The following IL4I1 variants were observed in gnomAD, a reference collection of about 807,000 sequenced individuals.
IL4I1 encodes the protein interleukin 4 induced 1.
Under a neutral mutation model 29.7 loss-of-function variants are expected in IL4I1, and 24 were observed. The observed-to-expected ratio is 0.81, with a 90% confidence interval of 0.59 to 1.14. The LOEUF is 1.14. Among genes scored for constraint, IL4I1 ranks in the 50% most tolerant of loss-of-function variants. The pLI is 0.00. For synonymous variants in IL4I1, 371 were observed against 352.5 expected (o/e 1.05, Z -0.59); for missense variants, 686 against 785.6 (o/e 0.87, Z 1.52).
At chr19:49,905,526 C>T (rs896425181) in intron 2 of IL4I1, among the ~76,000 whole-genome samples, 1 of 152,184 alleles carries the variant, frequency 6.6e-6, no homozygotes, top group Non-Finnish European at 1.5e-5. Context: ...TTTACTGCTC[C>T]CACCACACAC....
intron 2 of IL4I1, among the ~76,000 whole-genome samples, chr19:49,912,324 A>G (rs2075489519): frequency 6.6e-6 from 1 of 151,896 alleles, no homozygotes; most frequent in African/African-American, 2.4e-5. Flanking sequence ...GCATGCCACC[A>G]CGCCCGGCTA....
chr19:49,913,328 A>G (rs981165458), intron 2 of IL4I1, among the ~76,000 whole-genome samples: 21 of 152,158 alleles, frequency 1.4e-4, no homozygotes, highest in Non-Finnish European at 2.8e-4. Context: ...CTCCAGGAGA[A>G]TCTCTATGTT....
chr19:49,928,292 C>G (rs892115612), intron 1 of IL4I1: 1 of 152,196 alleles, frequency 6.6e-6, no homozygotes, highest in Non-Finnish European at 1.5e-5. Context: ...CCGAGGCGGG[C>G]GGATCACGAG....
chr19:49,914,460 A>C (rs925854953), intron 2 of IL4I1, among the ~76,000 whole-genome samples: 2 of 152,194 alleles, frequency 1.3e-5, no homozygotes, highest in African/African-American at 2.4e-5. Flanking sequence ...GTCACCAAGG[A>C]AAGTGCTGGC....
upstream of IL4I1, among the ~76,000 whole-genome samples, chr19:49,899,357 CAG>C (rs1490892937): frequency 1.3e-5 from 2 of 152,098 alleles, no homozygotes; most frequent in African/African-American, 4.8e-5. Flanking sequence ...GGCATATGTG[CAG>C]CTCACCTTGG....
At chr19:49,908,930 T>C (rs1314592143) in intron 2 of IL4I1, 1 of 1,608,354 alleles carries the variant, frequency 6.2e-7, no homozygotes, top group Non-Finnish European at 8.5e-7. Context: ...TGGTTTTAAA[T>C]TCAAGGCAAA....
chr19:49,924,791 C>T (rs772380533), intron 2 of IL4I1, among the ~76,000 whole-genome samples: 33 of 152,158 alleles, frequency 2.2e-4, no homozygotes, highest in Non-Finnish European at 4.1e-4. Context: ...ACCCACTCAC[C>T]CTGAGTCCAG....
At chr19:49,901,705 C>T, upstream of IL4I1, 1 of 1,532,522 alleles carries the variant, frequency 6.5e-7, no homozygotes, top group Non-Finnish European at 8.8e-7. Flanking sequence ...GGACAGAAGT[C>T]ATCGTTGGGC....
chr19:49,926,568 T>C (rs1211461379), intron 2 of IL4I1, among the ~76,000 whole-genome samples: 4 of 152,100 alleles, frequency 2.6e-5, no homozygotes, highest in African/African-American at 9.7e-5. Context: ...CCAGTCCCCA[T>C]GTACAATCTA....
intron 5 of IL4I1, among the ~76,000 whole-genome samples, chr19:49,893,475 G>A (rs1358549692): frequency 3.3e-5 from 5 of 152,008 alleles, no homozygotes; most frequent in African/African-American, 4.8e-5. Flanking sequence ...TGGGGGCACC[G>A]GGAGGAGGAA....
chr19:49,913,807 C>T (rs1057047415), intron 2 of IL4I1, among the ~76,000 whole-genome samples: 10 of 152,126 alleles, frequency 6.6e-5, no homozygotes, highest in Non-Finnish European at 1.2e-4. Context: ...ACGTGACAGG[C>T]GGGAGAATCT....
chr19:49,909,241 G>A lies in IL4I1; in HGVS notation c.-227-4920C>T, dbSNP rs1046391948. Reference sequence around the variant, plus strand: ...TGGCTGCTGGCGTGGCCGGAGTGAAGGGCAACGTGGCAGGTGCCGTGGGCT... The same window carrying A: ...TGGCTGCTGGCGTGGCCGGAGTGAAAGGCAACGTGGCAGGTGCCGTGGGCT... On this transcript the variant is annotated intron_variant, in intron 2 of 9. Coordinates refer to the IL4I1 transcript ENST00000341114. 8 of 1,614,042 alleles carry A rather than the reference G, an allele frequency of 5.0e-6. No homozygotes were observed. The highest frequency in any genetic ancestry group is 5.1e-6 in the Non-Finnish European group (6 of 1,180,034).
At chr19:49,907,146 C>T (rs1014554932) in intron 2 of IL4I1, 1 of 167,988 alleles carries the variant, frequency 6.0e-6, no homozygotes, top group Admixed American at 5.8e-5. Flanking sequence ...GGTCTCTGCC[C>T]ATGGGAACTC....
intron 2 of IL4I1, among the ~76,000 whole-genome samples, chr19:49,911,722 T>C (rs965442525): frequency 6.6e-6 from 1 of 152,218 alleles, no homozygotes; most frequent in African/African-American, 2.4e-5. Flanking sequence ...CACTACTGAC[T>C]GGGAGCATTC....
At chr19:49,911,949 A>G (rs1459923694) in intron 2 of IL4I1, among the ~76,000 whole-genome samples, 2 of 152,134 alleles carry the variant, frequency 1.3e-5, no homozygotes, top group East Asian at 3.9e-4. Flanking sequence ...CTGCTGAGCC[A>G]CCTCAAGCCG....
At chr19:49,909,217 G>T (rs1447911678) in intron 2 of IL4I1, 1 of 1,614,098 alleles carries the variant, frequency 6.2e-7, no homozygotes, top group East Asian at 2.2e-5. Context: ...CTGCTGTGGT[G>T]GCTGCTGGCG....
intron 1 of IL4I1, chr19:49,928,667 A>C (rs1042058378): frequency 2.0e-5 from 3 of 152,160 alleles, no homozygotes; most frequent in African/African-American, 7.2e-5. Context: ...AAGAGAACTT[A>C]AGTTATTTGC....
intron 2 of IL4I1, chr19:49,907,375 AC>A (rs2075344837): frequency 2.9e-6 from 1 of 339,572 alleles, no homozygotes; most frequent in African/African-American, 2.3e-5. Flanking sequence ...GTTCCTCAAC[AC>A]CCTGTGTGTG....
intron 2 of IL4I1, chr19:49,908,954 C>CTGCTGG: frequency 6.2e-7 from 1 of 1,608,886 alleles, no homozygotes; most frequent in Non-Finnish European, 8.5e-7. Flanking sequence ...GGTGGTGCTG[C>CTGCTGG]TGCTGCTGGT....
Sources: allele counts gnomAD v4.1 joint callset (sites outside exome capture counted in the v4.1 genomes callset), GRCh38; gene constraint gnomAD v4.1.1; transcripts MANE v1.5; gene names NCBI Gene and HGNC (gene_info 2026-07-23, HGNC 2026-07-21).